Variants in AFF1 observed in about 807,000 individuals in gnomAD.
AFF1 encodes the protein AF4/FMR2 family member 1.
In AFF1, 48 loss-of-function variants were observed where a neutral mutation model predicts 121.7. The ratio of observed to expected loss-of-function variants is 0.39; its 90% CI spans 0.31 to 0.50. The LOEUF (loss-of-function observed/expected upper bound fraction) is 0.50. Among genes scored for constraint, AFF1 ranks in the 20% least tolerant of loss-of-function variants. The pLI is 0.76. For synonymous variants in AFF1, 613 were observed against 563.0 expected (o/e 1.09, Z -1.26); for missense variants, 1,523 against 1,511.7 (o/e 1.01, Z -0.12).
chr4:87,067,909 T>TA (rs1553925919), intron 4 of AFF1, among the ~76,000 whole-genome samples: 1 of 152,242 alleles, frequency 6.6e-6, no homozygotes, highest in Non-Finnish European at 1.5e-5. Context: ...TTTATTTCTC[T>TA]ATCAGTGTGC....
At chr4:87,057,456 T>G (rs1175596575) in intron 4 of AFF1, among the ~76,000 whole-genome samples, 1 of 152,204 alleles carries the variant, frequency 6.6e-6, no homozygotes, top group Non-Finnish European at 1.5e-5. Flanking sequence ...AGTTTATTCG[T>G]CTGTAAGTAA....
intron 2 of AFF1, among the ~76,000 whole-genome samples, chr4:86,978,146 A>AGC (rs897777990): frequency 9.9e-5 from 7 of 70,850 alleles, no homozygotes; most frequent in African/African-American, 2.3e-4. Context: ...CATTGATGGT[A>AGC]GCTTACTTCT....
At chr4:87,061,827 A>G (rs1436449537) in intron 4 of AFF1, among the ~76,000 whole-genome samples, 1 of 148,946 alleles carries the variant, frequency 6.7e-6, no homozygotes, top group Non-Finnish European at 1.5e-5. Flanking sequence ...TCAGTAAGGT[A>G]ATGTCATCAT....
At chr4:86,990,658 C>T (rs1484857140) in intron 2 of AFF1, among the ~76,000 whole-genome samples, 2 of 152,064 alleles carry the variant, frequency 1.3e-5, no homozygotes, top group South Asian at 4.1e-4. Flanking sequence ...TTGCTGTCAT[C>T]AAGGTTTATC....
chr4:86,948,426 T>TTACA (rs1325275715), intron 1 of AFF1, 72 bp from the exon 2 acceptor site: 12 of 998,182 alleles, frequency 1.2e-5, no homozygotes, highest in Non-Finnish European at 1.6e-5. Flanking sequence ...ATAAAGCTTC[T>TTACA]TACAGGTCAT....
At chr4:87,075,030 TC>T (rs1191985174) in intron 4 of AFF1, among the ~76,000 whole-genome samples, 4 of 152,362 alleles carry the variant, frequency 2.6e-5, no homozygotes, top group African/African-American at 9.6e-5. Context: ...AGATTGAGCC[TC>T]TACAAATTTT....
chr4:87,125,312 A>G, intron 13 of AFF1, 169 bp downstream of exon 13: 1 of 417,184 alleles, frequency 2.4e-6, no homozygotes, highest in Non-Finnish European at 4.3e-6. Flanking sequence ...TGAGGACCTT[A>G]CAGGAATTAA....
intron 2 of AFF1, among the ~76,000 whole-genome samples, chr4:86,976,415 T>C (rs1255892074): frequency 6.6e-6 from 1 of 152,146 alleles, no homozygotes; most frequent in African/African-American, 2.4e-5. Flanking sequence ...GTGGTACATA[T>C]ACACCATGTC....
Position 87,138,108 on chromosome 4 carries a change from G to T in AFF1, c.*2407G>T, listed in dbSNP as rs1308535079. On this transcript the variant is annotated 3_prime_UTR_variant, in exon 21 of 21. Transcript: ENST00000395146. ...GTAACAAATGTGCATAGATCAATTT[G>T]TACTACTTTGGTCATTGGATATTTC... The T allele has an allele frequency of 8.9e-6, 2 of 225,414 alleles. No individual in the cohort carries two copies. Among genetic ancestry groups the T allele is most frequent in the Non-Finnish European group, 1.8e-5 (2 of 114,164 alleles). The allele number at this position is 225,414 out of a possible 1,614,324, so 14.0% of individuals were successfully genotyped here.
At chr4:86,952,813 T>C (rs1423273652) in intron 2 of AFF1, among the ~76,000 whole-genome samples, 1 of 151,470 alleles carries the variant, frequency 6.6e-6, no homozygotes, top group Non-Finnish European at 1.5e-5. Context: ...CCTGAGTAGC[T>C]GGCACTACAG....
At chr4:87,027,355 C>T (rs891079588) in intron 2 of AFF1, among the ~76,000 whole-genome samples, 9 of 152,252 alleles carry the variant, frequency 5.9e-5, no homozygotes, top group African/African-American at 7.2e-5. Flanking sequence ...ATGCACACTT[C>T]TGCTATTTCA....
intron 12 of AFF1, among the ~76,000 whole-genome samples, chr4:87,117,981 G>T (rs1462693577): frequency 6.6e-6 from 1 of 152,142 alleles, no homozygotes; most frequent in Non-Finnish European, 1.5e-5. Flanking sequence ...TGTGAAGCTT[G>T]GGTACTGCTC....
At chr4:87,087,186 G>A (rs1723824676) in intron 5 of AFF1, among the ~76,000 whole-genome samples, 1 of 152,254 alleles carries the variant, frequency 6.6e-6, no homozygotes, top group African/African-American at 2.4e-5. Flanking sequence ...ATGAGTGGTA[G>A]CACTATTTAT....
chr4:86,984,225 GCA>G (rs1468093472), intron 2 of AFF1, among the ~76,000 whole-genome samples: 5 of 151,826 alleles, frequency 3.3e-5, no homozygotes, highest in Non-Finnish European at 7.4e-5. Context: ...AGGTTGTTTG[GCA>G]CAGTTTCGGC....
intron 1 of AFF1, among the ~76,000 whole-genome samples, chr4:86,943,901 T>A (rs914809400): frequency 6.6e-6 from 1 of 151,666 alleles, no homozygotes; most frequent in African/African-American, 2.4e-5. Context: ...GCGGAGGTTG[T>A]GGTGAGCCAG....
At chr4:87,061,872 A>G (rs908884969) in intron 4 of AFF1, among the ~76,000 whole-genome samples, 2 of 152,180 alleles carry the variant, frequency 1.3e-5, no homozygotes, top group Non-Finnish European at 2.9e-5. Context: ...TGATTTCTCA[A>G]ACTTTTGAAA....
At position 86,948,588 on chromosome 4, in the gene AFF1, T is replaced by C; in HGVS notation, c.38+17T>C. On this transcript the variant is annotated intron_variant, in intron 2 of 20. Transcript: ENST00000395146. The stretch of plus-strand genomic sequence containing the variant: ...TGGCAACAGGTAAGCATAGAATCTA[T>C]GATTCAAAGACATGCTGATATTTAA... 6.5e-7 allele frequency: 1 copy of C among 1,533,670 alleles called. No individual in the cohort carries two copies.
intron 4 of AFF1, among the ~76,000 whole-genome samples, chr4:87,077,567 A>G (rs1273786923): frequency 1.3e-5 from 2 of 152,018 alleles, no homozygotes; most frequent in Middle Eastern, 3.2e-3. Flanking sequence ...TCTTCCCCCT[A>G]TTCCTTCCCC....
chr4:86,978,901 C>G (rs192742100), intron 2 of AFF1, among the ~76,000 whole-genome samples: 389 of 152,286 alleles, frequency 2.6e-3, no homozygotes, highest in African/African-American at 8.6e-3. Flanking sequence ...TCTCCCACTT[C>G]CCTTTTTAAA....
Sources: allele counts gnomAD v4.1 joint callset (sites outside exome capture counted in the v4.1 genomes callset), GRCh38; gene constraint gnomAD v4.1.1; transcripts MANE v1.5; gene names NCBI Gene and HGNC (gene_info 2026-07-23, HGNC 2026-07-21).